SERPINF1: variants seen among roughly 807,000 people sequenced by gnomAD.
SERPINF1 encodes the protein pigment epithelium-derived factor.
A neutral mutation model predicts 37.3 loss-of-function variants in SERPINF1; 29 were observed. The observed-to-expected ratio is 0.78, with a 90% confidence interval of 0.58 to 1.06. SERPINF1 has a LOEUF of 1.06. SERPINF1 is among the 50% of genes least tolerant of loss of function. The probability of loss-of-function intolerance (pLI) is 0.00; values close to 1 mark genes in which losing one functional copy is unlikely to be tolerated. For missense variants in SERPINF1, 553 were observed against 532.2 expected, an observed-to-expected ratio of 1.04 and a Z score of -0.38; for synonymous variants, 281 against 227.9, an observed-to-expected ratio of 1.23 and a Z score of -2.10.
chr17:1,770,772 A>C (rs1597350832), intron 3 of SERPINF1: 1 of 462,224 alleles, frequency 2.2e-6, no homozygotes, highest in East Asian at 4.4e-5. Context: ...AATAATCTTA[A>C]GGGCTATGAT....
At chr17:1,776,881 GC>G in intron 7 of SERPINF1, 139 bp downstream of exon 7, 1 of 830,670 alleles carries the variant, frequency 1.2e-6, no homozygotes, top group Non-Finnish European at 1.9e-6. Context: ...TCCTCATCGT[GC>G]CAGAAGGGAA....
At chr17:1,764,189 A>G (rs998461745) in intron 1 of SERPINF1, among the ~76,000 whole-genome samples, 1 of 152,096 alleles carries the variant, frequency 6.6e-6, no homozygotes, top group Non-Finnish European at 1.5e-5. Context: ...TCTCAAAAAC[A>G]AAAAAAACTA....
chr17:1,766,567 T>TAAAATATAAATAAATAAATAAATAAATAA (rs137856292), intron 1 of SERPINF1: 1 of 145,370 alleles, frequency 6.9e-6, no homozygotes, highest in African/African-American at 2.6e-5. Context: ...AAAAATAAAA[T>TAAAATATAAATAAATAAATAAATAAATAA]ATAAATAAAT....
chr17:1,769,466 C>A (rs1291866328), intron 2 of SERPINF1, among the ~76,000 whole-genome samples: 1 of 150,550 alleles, frequency 6.6e-6, no homozygotes, highest in Non-Finnish European at 1.5e-5. Flanking sequence ...AGTGTTTAAA[C>A]CTGGCCATGA....
At chr17:1,773,268 G>C (rs888364466) in intron 5 of SERPINF1, among the ~76,000 whole-genome samples, 4 of 152,156 alleles carry the variant, frequency 2.6e-5, no homozygotes, top group Non-Finnish European at 5.9e-5. Flanking sequence ...ATTTAAGATG[G>C]AGTCTCATTC....
intron 1 of SERPINF1, among the ~76,000 whole-genome samples, chr17:1,765,872 A>G (rs1053235794): frequency 1.7e-5 from 2 of 121,122 alleles, no homozygotes; most frequent in African/African-American, 9.2e-5. Context: ...GTCTCCCAAA[A>G]AAAAAAAAAA....
rs752682874 is a variant in SERPINF1, at chr17:1,772,030, C to G, written c.598C>G (p.Pro200Ala). Reference sequence around the variant, plus strand: ...GCTCGCCAGGTCCACAAAGGAAATTCCCGATGAGATCAGCATTCTCCTTCT... The same window carrying G: ...GCTCGCCAGGTCCACAAAGGAAATTGCCGATGAGATCAGCATTCTCCTTCT... ...GKLARSTKEIPDEISILLLGV... is the reference protein window; with the variant it reads ...GKLARSTKEIADEISILLLGV... Residue 200 changes from proline to alanine, a missense_variant, in exon 5 of 8, where the codon CCC (proline) becomes GCC (alanine). Coordinates refer to ENST00000254722, the MANE Select transcript of SERPINF1 (RefSeq NM_002615.7). The G allele has an allele frequency of 6.2e-7, 1 of 1,613,940 alleles. No individual in the cohort carries two copies. Among genetic ancestry groups the G allele is most frequent in the East Asian group, 2.2e-5 (1 of 44,860 alleles).
At chr17:1,767,649 G>A (rs145375875) in intron 2 of SERPINF1, among the ~76,000 whole-genome samples, 2 of 152,328 alleles carry the variant, frequency 1.3e-5, no homozygotes, top group East Asian at 3.9e-4. Flanking sequence ...GTTATGGGGT[G>A]AGTGTTGGCG....
At chr17:1,766,593 TAAATA>T (rs1238294465) in intron 1 of SERPINF1, 7 of 169,920 alleles carry the variant, frequency 4.1e-5, no homozygotes, top group African/African-American at 1.2e-4. Context: ...AATAAATAAA[TAAATA>T]AAAGCTTTAG....
chr17:1,771,692 C>CT, intron 4 of SERPINF1, 180 bp from the exon 5 acceptor site: 1 of 668,510 alleles, frequency 1.5e-6, no homozygotes, highest in Admixed American at 2.2e-5. Context: ...GGGAAATCTG[C>CT]TGCCCCCCTG....
chr17:1,776,749 C>CT lies in SERPINF1; in HGVS notation c.997+8dup, dbSNP rs1217504776. On this transcript the variant is annotated splice_region_variant and intron_variant, in intron 7 of 7. Transcript: ENST00000254722. The stretch of plus-strand genomic sequence containing the variant: ...AAGTCCCTGCAGGAGATGAGTATGT[C>CT]TGAAGACCCTTTCGCTCTTGGTGGG... The CT allele has an allele frequency of 1.2e-6, 2 of 1,613,146 alleles. No homozygotes were observed. The highest frequency in any genetic ancestry group is 1.6e-4 in the Middle Eastern group (1 of 6,082).
chr17:1,776,803 C>T, intron 7 of SERPINF1, 61 bp downstream of exon 7: 1 of 1,500,772 alleles, frequency 6.7e-7, no homozygotes, highest in Admixed American at 1.7e-5. Flanking sequence ...GTCTTTGGGC[C>T]TTCCACTGTG....
chr17:1,769,862 A>T lies in SERPINF1; in HGVS notation c.95A>T (p.Asp32Val), dbSNP rs747566773. The T allele has an allele frequency of 9.9e-6, 16 of 1,613,952 alleles. No individual in the cohort carries two copies. In the South Asian group the frequency reaches 1.8e-4, roughly 18 times the overall value. The part of the protein sequence containing the change: ...PASPPEEGSP[D>V]PDSTGALVEE... Reference sequence around the variant, plus strand: ...CCTGTCTCCTGCCAGGGCTCCCCAGACCCCGACAGCACAGGGGCGCTGGTG... The same window carrying T: ...CCTGTCTCCTGCCAGGGCTCCCCAGTCCCCGACAGCACAGGGGCGCTGGTG... Residue 32 changes from aspartate to valine, a missense_variant, in exon 3 of 8, where the codon GAC becomes GTC. By Grantham distance (152) the Asp-to-Val change is radical. Coordinates refer to ENST00000254722, the MANE Select transcript of SERPINF1 (RefSeq NM_002615.7).
At position 1,770,899 on chromosome 17, in the gene SERPINF1, G is replaced by A. The variant is rs554286980; in HGVS notation, c.284-130G>A. 6.9e-6 allele frequency: 8 copies of A among 1,162,446 alleles called. No homozygotes were observed. In the South Asian group the frequency reaches 7.4e-5, roughly 11 times the overall value. The allele number at this position is 1,162,446 out of a possible 1,614,324, so 72.0% of individuals were successfully genotyped here. On this transcript the variant is annotated intron_variant, in intron 3 of 7. Coordinates refer to ENST00000254722, the MANE Select transcript of SERPINF1 (RefSeq NM_002615.7). Reference sequence around the variant, plus strand: ...TGAAAATTCCTTGGCCACCTAGATTGTCTTGAAGATCAGCCTACTTGGGCT... The same window carrying A: ...TGAAAATTCCTTGGCCACCTAGATTATCTTGAAGATCAGCCTACTTGGGCT...
At chr17:1,767,436 C>G (rs12325894) in intron 2 of SERPINF1, among the ~76,000 whole-genome samples, 11,875 of 152,262 alleles carry the variant, frequency 0.078, 843 homozygotes, top group African/African-American at 0.18. Flanking sequence ...GCCACCGCAC[C>G]TGGCCAGGAT....
Position 1,777,538 on chromosome 17 carries a change from G to GCATACAATAAA in SERPINF1, c.*93_*103dup. Reference sequence around the variant, plus strand: ...AAGGCTGCCCCTGTAAGGTTTCAATGCATACAATAAAAGAGCTTTATCCCT... The same window carrying GCATACAATAAA: ...AAGGCTGCCCCTGTAAGGTTTCAATGCATACAATAAACATACAATAAAAGAGCTTTATCCCT... On this transcript the variant is annotated 3_prime_UTR_variant, in exon 8 of 8. Transcript: ENST00000254722. 6.7e-7 allele frequency: 1 copy of GCATACAATAAA among 1,499,770 alleles called. No homozygotes were observed. Among genetic ancestry groups the GCATACAATAAA allele is most frequent in the Non-Finnish European group, 9.3e-7 (1 of 1,080,694 alleles). The allele number at this position is 1,499,770 out of a possible 1,614,324, so 92.9% of individuals were successfully genotyped here.
At chr17:1,769,580 C>T (rs1028062460) in intron 2 of SERPINF1, 19 of 510,482 alleles carry the variant, frequency 3.7e-5, no homozygotes, top group East Asian at 1.1e-4. Context: ...GCTGAGATCG[C>T]GCCACTGAAC....
At position 1,766,988 on chromosome 17, in the gene SERPINF1, G is replaced by A. The variant is rs774600142; in HGVS notation, c.78G>A (p.Pro26=). 1.9e-5 allele frequency: 29 copies of A among 1,553,856 alleles called. No homozygotes were observed. Among genetic ancestry groups the A allele is most frequent in the South Asian group, 1.8e-4 (15 of 84,226 alleles). ...HSSCQNPASP[P]EEGSPDPDST... ...GCTGCCAGAACCCTGCCAGCCCCCC[G>A]GAGGAGGTCAGTAGGCAGGCGGGGA... Residue 26 remains proline (P), a synonymous_variant, in exon 2 of 8, where the codon CCG becomes CCA. Transcript: ENST00000254722.
chr17:1,771,787 C>T (rs1200027523), intron 4 of SERPINF1, 85 bp from the exon 5 acceptor site: 5 of 1,396,810 alleles, frequency 3.6e-6, no homozygotes, highest in Non-Finnish European at 5.0e-6. Context: ...GAGCGCTAAA[C>T]CAGAACCCGA....
Sources: gnomAD v4.1 joint callset for allele counts (sites outside exome capture counted in the v4.1 genomes callset) on GRCh38, gnomAD v4.1.1 for gene constraint, MANE v1.5 for transcripts, NCBI Gene and HGNC (gene_info 2026-07-23, HGNC 2026-07-21) for gene names.